Variants in OR4E2 observed in about 807,000 individuals in gnomAD.
The protein encoded by OR4E2 is olfactory receptor family 4 subfamily E member 2.
OR4E2 carries 9 observed loss-of-function variants against 11.0 expected under a neutral mutation model. That is an observed-to-expected ratio of 0.82 (90% CI 0.49 to 1.43). The LOEUF (loss-of-function observed/expected upper bound fraction) is 1.43, where lower values mean the gene tolerates loss of function less well. Ranked by LOEUF, OR4E2 falls within the 40% of genes most tolerant of loss-of-function variation. The pLI is 0.00. For missense variants in OR4E2, 441 were observed against 382.0 expected (o/e 1.15, Z -1.29); for synonymous variants, 159 against 147.3 (o/e 1.08, Z -0.57).
At chr14:21,657,456 C>T (rs912234114) in intron 2 of OR4E2, among the ~76,000 whole-genome samples, 14 of 61,822 alleles carry the variant, frequency 2.3e-4, no homozygotes, top group South Asian at 1.4e-3. Flanking sequence ...TCCTTCCTTC[C>T]TTCCTTCCTT....
chr14:21,654,442 T>TGCATGCACACACACAC (rs1317593268), intron 1 of OR4E2, among the ~76,000 whole-genome samples: 1 of 146,976 alleles, frequency 6.8e-6, no homozygotes, highest in Non-Finnish European at 1.5e-5. Flanking sequence ...TGCACACACA[T>TGCATGCACACACACAC]GCATGCACAC....
In OR4E2 at chr14:21,665,873, G is replaced by A; in HGVS notation, c.791G>A (p.Ser264Asn). 6.2e-7 allele frequency: 1 copy of A among 1,609,226 alleles called. No homozygotes were observed. The highest frequency in any genetic ancestry group is 8.5e-7 in the Non-Finnish European group (1 of 1,177,608). Residue 264 changes from serine (S) to asparagine (N), a missense_variant, in exon 4 of 4, where the codon AGC (serine) becomes AAC (asparagine). Transcript: ENST00000641524. ...CIFIYTRPDTSFSIDKVVSVF... is the reference protein window; with the variant it reads ...CIFIYTRPDTNFSIDKVVSVF... ...TTCATCTATACTCGGCCAGACACCAGCTTCTCCATTGACAAGGTGGTGTCT... is the reference window on the plus strand; with the variant it reads ...TTCATCTATACTCGGCCAGACACCAACTTCTCCATTGACAAGGTGGTGTCT...
At chr14:21,663,472 T>A (rs1880448045) in intron 3 of OR4E2, among the ~76,000 whole-genome samples, 1 of 114,112 alleles carries the variant, frequency 8.8e-6, no homozygotes, top group Admixed American at 1.0e-4. Context: ...AGAGCAAGAC[T>A]CCGTCTCGAA....
At chr14:21,657,227 G>A (rs1879996739) in intron 2 of OR4E2, among the ~76,000 whole-genome samples, 1 of 152,202 alleles carries the variant, frequency 6.6e-6, no homozygotes, top group Admixed American at 6.5e-5. Context: ...GAGGACTACA[G>A]TTGAGGCCTG....
chr14:21,663,690 A>T (rs916584839), intron 3 of OR4E2, among the ~76,000 whole-genome samples: 15 of 152,162 alleles, frequency 9.9e-5, no homozygotes, highest in Non-Finnish European at 2.9e-5. Flanking sequence ...CTTTAAGTTC[A>T]TGGATAAGTG....
rs969511156 is a variant in OR4E2, at chr14:21,666,400, G to A, written c.*376G>A. On this transcript the variant is annotated 3_prime_UTR_variant, in exon 4 of 4. Coordinates refer to ENST00000641524, the MANE Select transcript of OR4E2 (RefSeq NM_001001912.3). ...TTCTGTGGGCTATTGCCTCTGGGAA[G>A]CTATACATCACTCCTGTGATTTATA... The A allele has an allele frequency of 5.7e-6, 1 of 176,680 alleles. No homozygotes were observed. Among genetic ancestry groups the A allele is most frequent in the African/African-American group, 2.4e-5 (1 of 41,764 alleles). The allele number at this position is 176,680 out of a possible 1,614,324, so 10.9% of individuals were successfully genotyped here.
Position 21,654,415 on chromosome 14 carries a change from T to C in OR4E2, c.-191+476T>C, listed in dbSNP as rs368881743. ...ACACACACGCATGCACACACACACA[T>C]GCACACACACGCTGCATGCACACAC... On this transcript the variant is annotated intron_variant, in intron 1 of 3. Coordinates refer to ENST00000641524, the MANE Select transcript of OR4E2 (RefSeq NM_001001912.3). 2.2e-4 allele frequency among the ~76,000 whole-genome samples: 31 copies of C among 141,462 alleles called. 1 individual carries two copies. The East Asian group carries it at 2.2e-3, about 10-fold the overall frequency. The allele number at this position is 141,462 out of a possible 152,430, so 92.8% of individuals were successfully genotyped here.
intron 1 of OR4E2, among the ~76,000 whole-genome samples, chr14:21,654,184 T>G (rs1348675121): frequency 6.6e-6 from 1 of 152,124 alleles, no homozygotes; most frequent in Non-Finnish European, 1.5e-5. Flanking sequence ...AGGTGGGTGC[T>G]GAGGTGAGGA....
In OR4E2 at chr14:21,659,033, A is replaced by G. The variant is rs530826401; in HGVS notation, c.-102-1620A>G. Among the ~76,000 whole-genome samples, 41 of 152,142 alleles carry G rather than the reference A, an allele frequency of 2.7e-4. No homozygotes were observed. In the South Asian group the frequency reaches 8.1e-3, roughly 30 times the overall value. ...AGTGCTACTTTGAAAATATCTTTAA[A>G]AATTTTATTTATTTTATTTTTAGAC... On this transcript the variant is annotated intron_variant, in intron 2 of 3. Coordinates refer to ENST00000641524, the MANE Select transcript of OR4E2 (RefSeq NM_001001912.3).
chr14:21,657,103 T>G (rs573717354), intron 2 of OR4E2, among the ~76,000 whole-genome samples: 61 of 152,356 alleles, frequency 4.0e-4, no homozygotes, highest in Non-Finnish European at 7.6e-4. Context: ...TCTTTTTTAC[T>G]GGCAGATGGC....
In OR4E2 at chr14:21,665,762, A is replaced by T. The variant is rs770699095; in HGVS notation, c.680A>T (p.Lys227Ile). 1 of 1,613,958 alleles carries T rather than the reference A, an allele frequency of 6.2e-7. No individual in the cohort carries two copies. The highest frequency in any genetic ancestry group is 1.1e-5 in the South Asian group (1 of 91,068). ...SYMVILVSLRKHSAEGRRKAL... is the reference protein window; with the variant it reads ...SYMVILVSLRIHSAEGRRKAL... ...ATGGTCATCCTGGTTTCTCTTCGAA[A>T]ACACTCAGCTGAAGGGCGCCGGAAA... The change falls in exon 4 of 4, where the codon AAA becomes ATA. Residue 227 changes from lysine (K) to isoleucine (I), a missense_variant. Physicochemically the swap from Lys to Ile is moderately radical, Grantham distance 102. Transcript: ENST00000641524.
intron 2 of OR4E2, among the ~76,000 whole-genome samples, chr14:21,660,139 A>G (rs1880236606): frequency 6.6e-6 from 1 of 152,176 alleles, no homozygotes; most frequent in Non-Finnish European, 1.5e-5. Context: ...GATTGGTTTC[A>G]GGATAAAACT....
intron 3 of OR4E2, 67 bp from the exon 4 acceptor site, chr14:21,665,008 G>C (rs948449703): frequency 1.2e-6 from 1 of 814,364 alleles, no homozygotes. Flanking sequence ...AGAATACAAA[G>C]TCATTTCAAT....
rs980318759 is a variant in OR4E2 at position 21,665,768 on chromosome 14, C to T, written c.686C>T (p.Ser229Leu). The change falls in exon 4 of 4, where the codon TCA (serine) becomes TTA (leucine). Residue 229 changes from serine (S) to leucine (L), a missense_variant. Ser to Leu is a moderately radical substitution (Grantham distance 145, BLOSUM62 -2). Transcript: ENST00000641524. ...ATCCTGGTTTCTCTTCGAAAACACTCAGCTGAAGGGCGCCGGAAAGCCCTG... is the reference window on the plus strand; with the variant it reads ...ATCCTGGTTTCTCTTCGAAAACACTTAGCTGAAGGGCGCCGGAAAGCCCTG... The part of the protein sequence containing the change: ...MVILVSLRKH[S>L]AEGRRKALST... The T allele has an allele frequency of 1.2e-6, 2 of 1,614,060 alleles. No individual in the cohort carries two copies. Among genetic ancestry groups the T allele is most frequent in the Non-Finnish European group, 1.7e-6 (2 of 1,179,962 alleles).
At chr14:21,662,258 C>T (rs1411605957) in intron 3 of OR4E2, among the ~76,000 whole-genome samples, 1 of 151,276 alleles carries the variant, frequency 6.6e-6, no homozygotes, top group Non-Finnish European at 1.5e-5. Flanking sequence ...TTCACGTCTA[C>T]CTTTTTTTTG....
chr14:21,658,456 T>A (rs768311), intron 2 of OR4E2, among the ~76,000 whole-genome samples: 27,438 of 152,158 alleles, frequency 0.18, 3,133 homozygotes, highest in East Asian at 0.47. Context: ...ATCATGTTCC[T>A]CTTGGCAAAA....
At chr14:21,663,389 A>T (rs907089368) in intron 3 of OR4E2, among the ~76,000 whole-genome samples, 2 of 151,996 alleles carry the variant, frequency 1.3e-5, no homozygotes, top group East Asian at 3.9e-4. Flanking sequence ...CTGAGATAGG[A>T]GAATGGTGTG....
At chr14:21,654,440 C>CG (rs1382961001) in intron 1 of OR4E2, among the ~76,000 whole-genome samples, 2 of 149,100 alleles carry the variant, frequency 1.3e-5, no homozygotes, top group African/African-American at 4.9e-5. Flanking sequence ...CATGCACACA[C>CG]ATGCATGCAC....
chr14:21,657,237 G>T (rs1594542897), intron 2 of OR4E2, among the ~76,000 whole-genome samples: 1 of 152,142 alleles, frequency 6.6e-6, no homozygotes, highest in African/African-American at 2.4e-5. Context: ...GTTGAGGCCT[G>T]GTAGCTCTGC....
Sources: allele counts gnomAD v4.1 joint callset (sites outside exome capture counted in the v4.1 genomes callset), GRCh38; gene constraint gnomAD v4.1.1; transcripts MANE v1.5; gene names NCBI Gene and HGNC (gene_info 2026-07-23, HGNC 2026-07-21).